FAM167A: variants seen among roughly 807,000 people sequenced by gnomAD.
FAM167A encodes the protein family with sequence similarity 167 member A.
Under a neutral mutation model 14.9 loss-of-function variants are expected in FAM167A, and 23 were observed. That is an observed-to-expected ratio of 1.55 (90% CI 1.11 to 2.19). The LOEUF is 2.19. Ranked by LOEUF, FAM167A falls within the 30% of genes most tolerant of loss-of-function variation. FAM167A has a pLI of 0.00. For synonymous variants in FAM167A, 174 were observed against 117.7 expected, an observed-to-expected ratio of 1.48 and a Z score of -3.10; for missense variants, 401 against 281.5, an observed-to-expected ratio of 1.42 and a Z score of -3.04.
At chr8:11,438,109 G>T in intron 2 of FAM167A, 2 of 456,632 alleles carry the variant, frequency 4.4e-6, no homozygotes, top group Non-Finnish European at 8.8e-6. Context: ...ACGGAAGCCA[G>T]GCGGCCAGTG....
chr8:11,459,657 G>C (rs1424077798), intron 1 of FAM167A, among the ~76,000 whole-genome samples: 1 of 152,218 alleles, frequency 6.6e-6, no homozygotes, highest in Non-Finnish European at 1.5e-5. Flanking sequence ...TTAACAACCT[G>C]TGACGCTGGA....
intron 1 of FAM167A, among the ~76,000 whole-genome samples, chr8:11,452,750 T>A (rs1807074421): frequency 6.6e-6 from 1 of 152,212 alleles, no homozygotes; most frequent in African/African-American, 2.4e-5. Flanking sequence ...CCTGAGATCC[T>A]GGCCCAGAAA....
chr8:11,433,066 G>GACATTACT (rs1805725751), intron 2 of FAM167A, among the ~76,000 whole-genome samples: 1 of 152,090 alleles, frequency 6.6e-6, no homozygotes, highest in Non-Finnish European at 1.5e-5. Flanking sequence ...GCCTGTTGGG[G>GACATTACT]GGTAGGGAGG....
chr8:11,440,743 T>G (rs1246040607), intron 2 of FAM167A, among the ~76,000 whole-genome samples: 1 of 152,238 alleles, frequency 6.6e-6, no homozygotes, highest in African/African-American at 2.4e-5. Context: ...ACAACACATT[T>G]GCACTTGAGC....
intron 2 of FAM167A, chr8:11,443,818 A>T (rs953876724): frequency 1.3e-4 from 77 of 589,226 alleles, no homozygotes; most frequent in Admixed American, 1.0e-3. Flanking sequence ...AGTGTCTGCA[A>T]TTAGGGGCTG....
chr8:11,469,291 C>A (rs930675034), upstream of FAM167A, among the ~76,000 whole-genome samples: 1 of 152,154 alleles, frequency 6.6e-6, no homozygotes, highest in Admixed American at 6.5e-5. Context: ...AGCCTGCATT[C>A]GTTTTCTACA....
rs558122200 is a variant in FAM167A at position 11,474,198 on chromosome 8, C to T, written c.-398+1668G>A. Among the ~76,000 whole-genome samples, 8 of 152,308 alleles carry T rather than the reference C, an allele frequency of 5.3e-5. No individual in the cohort carries two copies. The East Asian group carries it at 7.7e-4, about 15-fold the overall frequency. ...CCAACACTGTTTTATCACGTCTGCG[C>T]GCCAACTGCTCTTGGTTTGCGCACC... is the stretch of plus-strand genomic sequence containing the variant. On this transcript the variant is annotated intron_variant, in intron 1 of 1. Transcript: ENST00000648766.
rs17742716 is a variant in FAM167A, at chr8:11,466,280, G to A, written c.-398+346C>T. 9.0e-3 allele frequency among the ~76,000 whole-genome samples: 1,372 copies of A among 152,348 alleles called. 14 individuals carry two copies. Among genetic ancestry groups the A allele is most frequent in the South Asian group, 0.04 (191 of 4,828 alleles). The stretch of plus-strand genomic sequence containing the variant: ...CTTGGAGGTCACCAGCCGCCTGGGA[G>A]TGGACCCGGAGAGGCTGAGTGCGGC... On this transcript the variant is annotated intron_variant, in intron 1 of 2. Coordinates refer to ENST00000284486, the MANE Select transcript of FAM167A (RefSeq NM_053279.3).
chr8:11,444,205 C>T lies in FAM167A; in HGVS notation c.207G>A (p.Ala69=), dbSNP rs750855466. Residue 69 remains alanine, a synonymous_variant, in exon 2 of 3, where the codon GCG becomes GCA. Coordinates refer to ENST00000284486, the MANE Select transcript of FAM167A (RefSeq NM_053279.3). ...CCCCACGCTCCCCCTCCTCCAAGCT[C>T]GCCTGTGGCTCCGCAGCCGGCCTCG... The part of the protein sequence containing the change: ...PFPRPAAEPQ[A]SLEEGERGGQ... 6.2e-6 allele frequency: 10 copies of T among 1,612,838 alleles called. No homozygotes were observed. Among genetic ancestry groups the T allele is most frequent in the East Asian group, 2.2e-5 (1 of 44,876 alleles).
rs997449677 is a variant in FAM167A, at chr8:11,421,632, G to A, written c.*2741C>T. The A allele has an allele frequency of 1.5e-5, 6 of 398,282 alleles. No homozygotes were observed. Among genetic ancestry groups the A allele is most frequent in the African/African-American group, 6.2e-5 (3 of 48,562 alleles). 24.7% of individuals were successfully genotyped at this position (398,282 alleles called of 1,614,324 possible). A position where few individuals can be genotyped will look rare whatever the true frequency, so the allele number is the denominator to read the frequency against. ...GCTACAGGGTGTGGGTCTTGAACTC[G>A]GTCAGGCATCGTCAAGCCTGCCCAG... On this transcript the variant is annotated 3_prime_UTR_variant, in exon 3 of 3. Coordinates refer to ENST00000284486, the MANE Select transcript of FAM167A (RefSeq NM_053279.3).
chr8:11,471,532 T>C (rs190613495), upstream of FAM167A, among the ~76,000 whole-genome samples: 2 of 152,166 alleles, frequency 1.3e-5, no homozygotes, highest in Non-Finnish European at 2.9e-5. Context: ...CAGACCCGGG[T>C]TGCATCCCAG....
Position 11,444,111 on chromosome 8 carries a change from C to T in FAM167A, c.301G>A (p.Gly101Ser). 2 of 1,613,460 alleles carry T rather than the reference C, an allele frequency of 1.2e-6. No homozygotes were observed. Among genetic ancestry groups the T allele is most frequent in the Non-Finnish European group, 1.7e-6 (2 of 1,180,004 alleles). ...TTGCCAGTGGACAGGGGTCTGGCAC[C>T]TTGGCTGGCACTCCTGGCAGAAGGG... is the stretch of plus-strand genomic sequence containing the variant. ...HPPSARSASQ[G>S]ARPLSTGKLE... Residue 101 changes from glycine to serine, a missense_variant, in exon 2 of 3, where the codon GGT becomes AGT. Coordinates refer to ENST00000284486, the MANE Select transcript of FAM167A (RefSeq NM_053279.3).
At chr8:11,440,723 G>A (rs541396768) in intron 2 of FAM167A, among the ~76,000 whole-genome samples, 11 of 152,350 alleles carry the variant, frequency 7.2e-5, no homozygotes, top group Admixed American at 3.3e-4. Flanking sequence ...CCTTGGCCAC[G>A]TGAGAACAAA....
chr8:11,458,102 T>C (rs1306513123), intron 1 of FAM167A, among the ~76,000 whole-genome samples: 1 of 152,160 alleles, frequency 6.6e-6, no homozygotes, highest in Non-Finnish European at 1.5e-5. Flanking sequence ...CACAGCTTCA[T>C]GGGTAAGACT....
At chr8:11,447,966 C>T (rs1263775470) in intron 1 of FAM167A, among the ~76,000 whole-genome samples, 5 of 152,102 alleles carry the variant, frequency 3.3e-5, no homozygotes, top group African/African-American at 7.2e-5. Flanking sequence ...GAGGCCGAGG[C>T]GGGTGGATCA....
rs149662282 is a variant in FAM167A, at chr8:11,424,511, G to T, written c.507C>A (p.Tyr169Ter). 2 of 1,614,192 alleles carry T rather than the reference G, an allele frequency of 1.2e-6. No individual in the cohort carries two copies. Among genetic ancestry groups the T allele is most frequent in the Non-Finnish European group, 1.7e-6 (2 of 1,180,018 alleles). ...CCAGCTCATCCCGCTCCTCCAGCTC[G>T]TAGGTGGCATCGTTGAGCATCCTCC... Reference protein sequence around the residue: ...LHRRMLNDATYELEERDELAD... With the variant: ...LHRRMLNDAT Residue 169 changes from tyrosine to a stop codon, truncating the protein, a stop_gained, in exon 3 of 3, where the codon TAC becomes TAA. Coordinates refer to ENST00000284486, the MANE Select transcript of FAM167A (RefSeq NM_053279.3). LOFTEE classifies it high-confidence loss of function.
At chr8:11,468,009 C>T (rs1002327535), upstream of FAM167A, among the ~76,000 whole-genome samples, 3 of 152,158 alleles carry the variant, frequency 2.0e-5, no homozygotes, top group Non-Finnish European at 4.4e-5. Context: ...TCTTCCTGCC[C>T]GCTGCCACTG....
At chr8:11,461,170 G>C (rs7830361) in intron 1 of FAM167A, among the ~76,000 whole-genome samples, 10,360 of 152,316 alleles carry the variant, frequency 0.068, 1,134 homozygotes, top group African/African-American at 0.23. Flanking sequence ...TGCAGGGAGA[G>C]GGGCTCTTGG....
At chr8:11,453,956 G>A (rs1045376426) in intron 1 of FAM167A, among the ~76,000 whole-genome samples, 7 of 152,232 alleles carry the variant, frequency 4.6e-5, no homozygotes, top group African/African-American at 1.7e-4. Context: ...CACACTCCTT[G>A]GGGTTGCTGT....
Sources: allele counts gnomAD v4.1 joint callset (sites outside exome capture counted in the v4.1 genomes callset), GRCh38; gene constraint gnomAD v4.1.1; transcripts MANE v1.5; gene names NCBI Gene and HGNC (gene_info 2026-07-23, HGNC 2026-07-21).